Variants in AHI1 observed in about 807,000 individuals in gnomAD.
AHI1 encodes jouberin.
A neutral mutation model predicts 149.3 loss-of-function variants in AHI1; 123 were observed. That is an observed-to-expected ratio of 0.82 (90% CI 0.71 to 0.96). AHI1 has a LOEUF of 0.96. Ranked by LOEUF, AHI1 falls within the 40% of genes least tolerant of loss-of-function variation. The pLI is 0.00. For missense variants in AHI1, 1,439 were observed against 1,422.7 expected, an observed-to-expected ratio of 1.01 and a Z score of -0.18; for synonymous variants, 475 against 459.8, an observed-to-expected ratio of 1.03 and a Z score of -0.42.
intron 27 of AHI1, among the ~76,000 whole-genome samples, chr6:135,292,116 AC>A: frequency 6.6e-6 from 1 of 150,626 alleles, no homozygotes; most frequent in African/African-American, 2.4e-5. Context: ...AATTACACAC[AC>A]ACACACACAC....
chr6:135,442,227 A>C (rs1454407679), intron 14 of AHI1, among the ~76,000 whole-genome samples: 2 of 152,162 alleles, frequency 1.3e-5, no homozygotes, highest in Non-Finnish European at 2.9e-5. Flanking sequence ...TGTAACTCAA[A>C]TCATCACTGC....
chr6:135,452,488 T>C (rs1473724586), intron 11 of AHI1, among the ~76,000 whole-genome samples: 2 of 152,232 alleles, frequency 1.3e-5, no homozygotes, highest in Non-Finnish European at 2.9e-5. Flanking sequence ...TTTCCTAATG[T>C]GATTTTCAAG....
intron 20 of AHI1, among the ~76,000 whole-genome samples, chr6:135,419,162 T>C (rs539547732): frequency 2.0e-5 from 3 of 152,184 alleles, no homozygotes; most frequent in East Asian, 3.9e-4. Context: ...TCAAAATCTA[T>C]AGAGTGATGT....
intron 23 of AHI1, among the ~76,000 whole-genome samples, chr6:135,379,322 A>G (rs1776364285): frequency 6.6e-6 from 1 of 152,122 alleles, no homozygotes; most frequent in Non-Finnish European, 1.5e-5. Context: ...CTTCACTCAC[A>G]TTCTAGACCT....
intron 11 of AHI1, 23 bp downstream of exon 11, chr6:135,453,318 T>C (rs1185924076): frequency 2.6e-6 from 4 of 1,538,436 alleles, no homozygotes; most frequent in African/African-American, 1.4e-5. Flanking sequence ...TTTTAAAGTG[T>C]TTAAAATGGA....
In AHI1 at chr6:135,448,317, A is replaced by G; in HGVS notation, c.1599T>C (p.Thr533=). The stretch of plus-strand genomic sequence containing the variant: ...AGTCTGGAACTTTCAGTCCTCTTAC[A>G]GTTACGTACAGTGTTGATGGGTAAT... ...RNHYPSTLYV[T]VRGLKVPDCI... is the part of the protein sequence containing the mutation. The change falls in exon 12 of 29, where the codon ACT becomes ACC. Residue 533 remains threonine (T), a synonymous_variant. Coordinates refer to ENST00000265602, the MANE Select transcript of AHI1 (RefSeq NM_001134831.2). The G allele has an allele frequency of 6.3e-7, 1 of 1,596,952 alleles. No homozygotes were observed. Among genetic ancestry groups the G allele is most frequent in the Non-Finnish European group, 8.6e-7 (1 of 1,169,406 alleles).
intron 13 of AHI1, 94 bp from the exon 14 acceptor site, chr6:135,442,808 T>C (rs1786531760): frequency 8.5e-7 from 1 of 1,170,592 alleles, no homozygotes; most frequent in Middle Eastern, 3.0e-4. Flanking sequence ...TTTAAGTCCT[T>C]TTATGATGCA....
intron 13 of AHI1, among the ~76,000 whole-genome samples, chr6:135,445,454 AT>A (rs1787022910): frequency 6.6e-6 from 1 of 152,264 alleles, no homozygotes; most frequent in Non-Finnish European, 1.5e-5. Context: ...ATACATGTAC[AT>A]ATCTCTATCA....
intron 26 of AHI1, 73 bp downstream of exon 26, chr6:135,318,446 A>ATAAAG: frequency 1.0e-6 from 1 of 987,740 alleles, no homozygotes; most frequent in Non-Finnish European, 1.5e-6. Flanking sequence ...AGCATAAAAA[A>ATAAAG]TAAAGTAATA....
rs140747999 is a variant in AHI1, at chr6:135,369,941, T to C, written c.3110-11754A>G. On this transcript the variant is annotated intron_variant, in intron 23 of 28. Coordinates refer to ENST00000265602, the MANE Select transcript of AHI1 (RefSeq NM_001134831.2). ...CACTCCTTTTGCTCATGGTTCCTCA[T>C]AAGTTATTTAACATATGTGTAACAG... 2.8e-3 allele frequency among the ~76,000 whole-genome samples: 426 copies of C among 152,338 alleles called. 4 individuals are homozygous for C. Among genetic ancestry groups the C allele is most frequent in the Non-Finnish European group, 2.4e-4 (16 of 68,030 alleles).
At chr6:135,400,765 TC>T (rs1779915169) in intron 22 of AHI1, among the ~76,000 whole-genome samples, 1 of 152,226 alleles carries the variant, frequency 6.6e-6, no homozygotes, top group East Asian at 1.9e-4. Flanking sequence ...TTGAAAAGTG[TC>T]AATTTACTGA....
intron 24 of AHI1, among the ~76,000 whole-genome samples, chr6:135,338,871 C>G (rs1394530696): frequency 6.6e-6 from 1 of 151,860 alleles, no homozygotes; most frequent in Admixed American, 6.6e-5. Flanking sequence ...AGAAATGTCA[C>G]TTTATGACCT....
At chr6:135,297,799 C>T (rs926844449) in intron 27 of AHI1, among the ~76,000 whole-genome samples, 12 of 151,866 alleles carry the variant, frequency 7.9e-5, no homozygotes, top group African/African-American at 2.9e-4. Flanking sequence ...TATAAACTAC[C>T]TCCTCATAAA....
intron 24 of AHI1, among the ~76,000 whole-genome samples, chr6:135,354,252 C>T (rs1417663209): frequency 1.3e-5 from 2 of 151,984 alleles, no homozygotes; most frequent in African/African-American, 4.8e-5. Context: ...AGGAGCTTTA[C>T]AAAAATTTAA....
chr6:135,470,453 T>A (rs998660567), intron 5 of AHI1, among the ~76,000 whole-genome samples: 1 of 152,138 alleles, frequency 6.6e-6, no homozygotes, highest in African/African-American at 2.4e-5. Context: ...GACCAAGCAA[T>A]CCCATTACTG....
intron 26 of AHI1, among the ~76,000 whole-genome samples, chr6:135,315,879 T>C (rs146727229): frequency 1.3e-5 from 2 of 152,314 alleles, no homozygotes; most frequent in East Asian, 3.9e-4. Context: ...TATTAACTTA[T>C]CTGCATCCCT....
chr6:135,339,782 T>C (rs1790007499), intron 24 of AHI1, among the ~76,000 whole-genome samples: 2 of 152,226 alleles, frequency 1.3e-5, no homozygotes, highest in South Asian at 2.1e-4. Flanking sequence ...CCAAAGTTGA[T>C]GGAAAACATT....
intron 20 of AHI1, among the ~76,000 whole-genome samples, chr6:135,413,975 T>C (rs925579700): frequency 6.6e-6 from 1 of 152,166 alleles, no homozygotes; most frequent in South Asian, 2.1e-4. Flanking sequence ...CAGGTTATTT[T>C]TGGAGAAATT....
At position 135,387,371 on chromosome 6, in the gene AHI1, T is replaced by C. The variant is rs117648004; in HGVS notation, c.3109+7405A>G. ...ATTTTAATGTCTGTGGAATAAAGGA[T>C]TGTCCCCCAACCGAACCCATGCCCT... is the stretch of plus-strand genomic sequence containing the variant. On this transcript the variant is annotated intron_variant, in intron 23 of 28. Coordinates refer to ENST00000265602, the MANE Select transcript of AHI1 (RefSeq NM_001134831.2). 8.6e-3 allele frequency among the ~76,000 whole-genome samples: 1,307 copies of C among 152,312 alleles called. 40 individuals are homozygous for C. The highest frequency in any genetic ancestry group is 0.08 in the East Asian group (413 of 5,182).
Sources: gnomAD v4.1 joint callset for allele counts (sites outside exome capture counted in the v4.1 genomes callset) on GRCh38, gnomAD v4.1.1 for gene constraint, MANE v1.5 for transcripts, NCBI Gene and HGNC (gene_info 2026-07-23, HGNC 2026-07-21) for gene names.